The following CLEC5A variants were observed in gnomAD, a reference collection of about 807,000 sequenced individuals.
CLEC5A encodes the protein C-type lectin domain containing 5A, also known as C-type lectin domain family 5 member A.
A neutral mutation model predicts 24.4 loss-of-function variants in CLEC5A; 15 were observed. The ratio of observed to expected loss-of-function variants is 0.62; its 90% CI spans 0.41 to 0.95. CLEC5A has a LOEUF of 0.95. Among genes scored for constraint, CLEC5A ranks in the 40% least tolerant of loss-of-function variants. The pLI is 0.00. For missense variants in CLEC5A, 211 were observed against 224.0 expected, an observed-to-expected ratio of 0.94 and a Z score of 0.37; for synonymous variants, 71 against 72.6, an observed-to-expected ratio of 0.98 and a Z score of 0.11.
At chr7:141,935,742 G>A (rs201314618) in intron 5 of CLEC5A, 72 bp downstream of exon 5, 1 of 1,447,414 alleles carries the variant, frequency 6.9e-7, no homozygotes, top group African/African-American at 1.4e-5. Context: ...ACTCCCCCAA[G>A]TTTCTACCCC....
intron 2 of CLEC5A, 120 bp downstream of exon 2, chr7:141,946,094 G>A (rs1373348718): frequency 1.8e-6 from 2 of 1,090,064 alleles, no homozygotes; most frequent in African/African-American, 3.1e-5. Flanking sequence ...GGTTGGGTCA[G>A]TTAGTCTCAG....
intron 4 of CLEC5A, 104 bp from the exon 5 acceptor site, chr7:141,936,054 A>G (rs1449354318): frequency 1.1e-6 from 1 of 939,884 alleles, no homozygotes; most frequent in Middle Eastern, 2.1e-4. Context: ...TGTTTTAACA[A>G]TTATATTGGT....
At position 141,927,869 on chromosome 7, in the gene CLEC5A, T is replaced by C. The variant is rs1348537480; in HGVS notation, c.*2235A>G. On this transcript the variant is annotated 3_prime_UTR_variant, in exon 7 of 7. Coordinates refer to ENST00000546910, the MANE Select transcript of CLEC5A (RefSeq NM_013252.3). ...CCTCCACAAAATGCTTCTCCTAATG[T>C]CTAATGCCATTGAGATACATAGAGG... 1.3e-5 allele frequency: 2 copies of C among 152,234 alleles called. No individual in the cohort carries two copies. The highest frequency in any genetic ancestry group is 4.8e-5 in the African/African-American group (2 of 41,462). The allele number at this position is 152,234 out of a possible 1,614,324, so 9.4% of individuals were successfully genotyped here.
intron 5 of CLEC5A, among the ~76,000 whole-genome samples, chr7:141,934,564 G>A (rs1584845177): frequency 6.7e-6 from 1 of 149,778 alleles, no homozygotes; most frequent in African/African-American, 2.5e-5. Context: ...ACAGACTTGC[G>A]AGTCAGCAGC....
At chr7:141,937,138 G>C (rs1802655333) in intron 4 of CLEC5A, among the ~76,000 whole-genome samples, 1 of 151,756 alleles carries the variant, frequency 6.6e-6, no homozygotes, top group Admixed American at 6.6e-5. Flanking sequence ...TCTTCTGCTT[G>C]AGAAAAGAAG....
intron 4 of CLEC5A, among the ~76,000 whole-genome samples, chr7:141,943,616 G>A (rs995445168): frequency 2.6e-5 from 4 of 152,110 alleles, no homozygotes; most frequent in Non-Finnish European, 4.4e-5. Context: ...ATAAATGCTT[G>A]AGGTGATGGA....
Position 141,935,944 on chromosome 7 carries a change from G to C in CLEC5A, c.215C>G (p.Pro72Arg). The C allele has an allele frequency of 3.1e-6, 5 of 1,613,280 alleles. No individual in the cohort carries two copies. Among genetic ancestry groups the C allele is most frequent in the Non-Finnish European group, 4.2e-6 (5 of 1,179,290 alleles). ...ITTRSYGTVC[P>R]KDWEFYQARC... ...TGCTTGATAAAATTCCCAGTCTTTG[G>C]GGCAGACTGAAGAGGTCCAAGAAAG... is the stretch of plus-strand genomic sequence containing the variant. Residue 72 changes from proline to arginine, a missense_variant, in exon 5 of 7, where the codon CCC (proline) becomes CGC (arginine). Physicochemically the swap from Pro to Arg is moderately radical, Grantham distance 103. Transcript: ENST00000546910.
intron 6 of CLEC5A, 51 bp from the exon 7 acceptor site, chr7:141,930,269 T>C (rs1468556728): frequency 7.3e-7 from 1 of 1,372,376 alleles, no homozygotes; most frequent in Non-Finnish European, 1.0e-6. Context: ...AAACAAAGCA[T>C]GGTGATGGCC....
In CLEC5A at chr7:141,931,834, TAA is replaced by T; in HGVS notation, c.346-10_346-9del. 1 of 1,356,552 alleles carries T rather than the reference TAA, an allele frequency of 7.4e-7. No individual in the cohort carries two copies. The highest frequency in any genetic ancestry group is 1.0e-6 in the Non-Finnish European group (1 of 977,988). The allele number at this position is 1,356,552 out of a possible 1,614,324, so 84.0% of individuals were successfully genotyped here. Reference sequence around the variant, plus strand: ...TATGTCCTGAAGAAACTTCTGGAAATAAAAAAAAAATTTTACCAGTGAGTCTT... The same window carrying T: ...TATGTCCTGAAGAAACTTCTGGAAATAAAAAAAATTTTACCAGTGAGTCTT... On this transcript the variant is annotated splice_polypyrimidine_tract_variant and intron_variant, in intron 5 of 6. Transcript: ENST00000546910.
intron 4 of CLEC5A, among the ~76,000 whole-genome samples, chr7:141,941,880 A>G (rs1205721557): frequency 6.6e-6 from 1 of 152,114 alleles, no homozygotes; most frequent in Non-Finnish European, 1.5e-5. Flanking sequence ...AAAGAAGTGA[A>G]AGATCTATAC....
intron 6 of CLEC5A, among the ~76,000 whole-genome samples, chr7:141,931,157 G>T (rs1466135821): frequency 7.2e-5 from 11 of 152,168 alleles, no homozygotes; most frequent in African/African-American, 2.4e-4. Flanking sequence ...GATAAAGAAG[G>T]CATATCTGGG....
intron 6 of CLEC5A, among the ~76,000 whole-genome samples, 153 bp from the exon 7 acceptor site, chr7:141,930,371 G>C (rs1260489805): frequency 6.6e-6 from 1 of 152,164 alleles, no homozygotes; most frequent in Non-Finnish European, 1.5e-5. Flanking sequence ...GCCCACACAC[G>C]TCTCCATCTG....
intron 5 of CLEC5A, 29 bp from the exon 6 acceptor site, chr7:141,931,855 G>T (rs1377061048): frequency 9.2e-6 from 10 of 1,083,236 alleles, no homozygotes; most frequent in Non-Finnish European, 1.4e-5. Flanking sequence ...TTTTACCAGT[G>T]AGTCTTTTAA....
At chr7:141,937,398 T>A (rs912592994) in intron 4 of CLEC5A, among the ~76,000 whole-genome samples, 1 of 152,068 alleles carries the variant, frequency 6.6e-6, no homozygotes. Context: ...AGTGACCCTG[T>A]GGGCCTGTGA....
intron 4 of CLEC5A, among the ~76,000 whole-genome samples, chr7:141,940,955 A>G (rs1554441587): frequency 6.6e-6 from 1 of 152,120 alleles, no homozygotes; most frequent in African/African-American, 2.4e-5. Flanking sequence ...CCAATAAAGA[A>G]AAGCCCAGGA....
At chr7:141,937,212 G>A (rs1001081301) in intron 4 of CLEC5A, among the ~76,000 whole-genome samples, 2 of 151,896 alleles carry the variant, frequency 1.3e-5, no homozygotes, top group Non-Finnish European at 1.5e-5. Flanking sequence ...GAGAAGTAAA[G>A]GTCAGCTCTT....
intron 5 of CLEC5A, among the ~76,000 whole-genome samples, chr7:141,934,046 C>T (rs577675706): frequency 5.9e-5 from 9 of 152,278 alleles, no homozygotes; most frequent in African/African-American, 1.9e-4. Flanking sequence ...TGCCACCCAC[C>T]CACTCCCCTA....
intron 3 of CLEC5A, 109 bp from the exon 4 acceptor site, chr7:141,944,073 T>C (rs149543551): frequency 1.4e-6 from 1 of 731,276 alleles, no homozygotes; most frequent in Non-Finnish European, 2.6e-6. Flanking sequence ...GACAAGAAGC[T>C]CTTGGCCACT....
chr7:141,931,566 G>A (rs1554440345), intron 6 of CLEC5A, 154 bp downstream of exon 6: 3 of 544,714 alleles, frequency 5.5e-6, no homozygotes, highest in Non-Finnish European at 9.9e-6. Context: ...TTATTAAAAT[G>A]TGTCTCAGGG....
Sources: allele counts gnomAD v4.1 joint callset (sites outside exome capture counted in the v4.1 genomes callset), GRCh38; gene constraint gnomAD v4.1.1; transcripts MANE v1.5; gene names NCBI Gene and HGNC (gene_info 2026-07-23, HGNC 2026-07-21).